Variants in CHRNA7 observed in about 807,000 individuals in gnomAD.
The protein encoded by CHRNA7 is cholinergic receptor nicotinic alpha 7 subunit.
A neutral mutation model predicts 48.0 loss-of-function variants in CHRNA7; 17 were observed. That is an observed-to-expected ratio of 0.35 (90% confidence interval 0.24 to 0.53). The LOEUF (loss-of-function observed/expected upper bound fraction) is 0.53. Ranked by LOEUF, CHRNA7 falls within the 20% of genes least tolerant of loss-of-function variation. The probability of loss-of-function intolerance (pLI) is 0.92; values close to 1 mark genes in which losing one functional copy is unlikely to be tolerated. For synonymous variants in CHRNA7, 75 were observed against 242.3 expected (o/e 0.31, Z 6.41); for missense variants, 155 against 577.7 (o/e 0.27, Z 7.50).
At chr15:32,042,440 T>C (rs2049465730) in intron 2 of CHRNA7, among the ~76,000 whole-genome samples, 1 of 152,178 alleles carries the variant, frequency 6.6e-6, no homozygotes, top group Admixed American at 6.5e-5. Flanking sequence ...TTCACTTCCC[T>C]CTGGTGGAAG....
intron 2 of CHRNA7, among the ~76,000 whole-genome samples, chr15:32,061,411 C>T (rs1191343072): frequency 2.6e-5 from 4 of 152,138 alleles, no homozygotes; most frequent in Admixed American, 2.6e-4. Context: ...CAGAATTAAC[C>T]TTTTGCACTC....
chr15:32,107,120 GT>G (rs1190035134), intron 3 of CHRNA7, among the ~76,000 whole-genome samples: 1 of 152,172 alleles, frequency 6.6e-6, no homozygotes, highest in Non-Finnish European at 1.5e-5. Context: ...AAAGATAAGT[GT>G]TTTCTGACAT....
intron 2 of CHRNA7, among the ~76,000 whole-genome samples, chr15:32,090,687 A>G (rs796988138): frequency 4.6e-5 from 7 of 151,762 alleles, no homozygotes; most frequent in African/African-American, 1.7e-4. Flanking sequence ...TATGAGAGTG[A>G]TTAATTCTAA....
intron 4 of CHRNA7, among the ~76,000 whole-genome samples, chr15:32,152,488 CA>C (rs1331127172): frequency 6.6e-6 from 1 of 152,142 alleles, no homozygotes; most frequent in East Asian, 1.9e-4. Context: ...AGGGAGGCAC[CA>C]GGGCCACGCG....
intron 2 of CHRNA7, among the ~76,000 whole-genome samples, chr15:32,060,305 C>T (rs2049858065): frequency 6.6e-6 from 1 of 152,150 alleles, no homozygotes; most frequent in African/African-American, 2.4e-5. Context: ...ATATCTATAT[C>T]ATCTATTTAT....
chr15:32,159,397 G>C (rs1172144011), intron 7 of CHRNA7, 172 bp from the exon 8 acceptor site: 2 of 462,362 alleles, frequency 4.3e-6, no homozygotes, highest in Non-Finnish European at 8.2e-6. Context: ...AAGTGGCATG[G>C]AATGTCCCCT....
At chr15:32,154,857 CT>C (rs2051704632) in intron 5 of CHRNA7, among the ~76,000 whole-genome samples, 1 of 67,388 alleles carries the variant, frequency 1.5e-5, no homozygotes, top group Non-Finnish European at 2.7e-5. Flanking sequence ...CCACTCACCC[CT>C]CACACACACC....
In CHRNA7 at chr15:32,149,330, A is replaced by AT. The variant is rs1031009286; in HGVS notation, c.351-4577_351-4576insT. Among the ~76,000 whole-genome samples, 2 of 152,066 alleles carry AT rather than the reference A, an allele frequency of 1.3e-5. No homozygotes were observed. The highest frequency in any genetic ancestry group is 2.9e-5 in the Non-Finnish European group (2 of 68,000). ...AGCACAGGGCTGCCCAGCACTGGTG[A>AT]GGGGGTCACTGTTGGCTGGCATCTG... On this transcript the variant is annotated intron_variant, in intron 4 of 9. Transcript: ENST00000306901. This position sits in a 1 kb window ranked among gnomAD's most constrained non-coding sequence, Gnocchi z 4.6.
At chr15:32,158,675 T>C (rs2051821064) in intron 7 of CHRNA7, 69 bp downstream of exon 7, 1 of 1,150,672 alleles carries the variant, frequency 8.7e-7, no homozygotes, top group Non-Finnish European at 1.2e-6. Context: ...TCTGGAGGGC[T>C]CACAGCAGAC....
intron 4 of CHRNA7, among the ~76,000 whole-genome samples, chr15:32,142,403 C>T (rs1028279487): frequency 6.6e-6 from 1 of 152,064 alleles, no homozygotes; most frequent in Admixed American, 6.6e-5. Context: ...TGTCTCTGCC[C>T]AGCTTTGGTA....
intron 2 of CHRNA7, among the ~76,000 whole-genome samples, chr15:32,048,501 G>T (rs2049598485): frequency 6.6e-6 from 1 of 152,102 alleles, no homozygotes; most frequent in Non-Finnish European, 1.5e-5. Context: ...TATTTCTGTG[G>T]GATTGGTGGT....
intron 2 of CHRNA7, among the ~76,000 whole-genome samples, chr15:32,078,008 T>G (rs1298535742): frequency 1.3e-5 from 2 of 152,252 alleles, no homozygotes; most frequent in South Asian, 4.1e-4. Flanking sequence ...ATTTTCCATA[T>G]GAGATTTGGA....
intron 3 of CHRNA7, among the ~76,000 whole-genome samples, chr15:32,106,192 G>C (rs550359743): frequency 3.9e-5 from 6 of 152,216 alleles, no homozygotes; most frequent in Non-Finnish European, 5.9e-5. Flanking sequence ...GGGTTCTGAG[G>C]GGGGTGCAAA....
chr15:32,101,505 C>T, intron 3 of CHRNA7, 158 bp downstream of exon 3: 1 of 712,256 alleles, frequency 1.4e-6, no homozygotes, highest in Admixed American at 2.6e-5. Context: ...TCCACACCTG[C>T]CAACAATGAA....
intron 2 of CHRNA7, among the ~76,000 whole-genome samples, chr15:32,076,011 C>T (rs2050131364): frequency 6.6e-6 from 1 of 151,948 alleles, no homozygotes; most frequent in Admixed American, 6.6e-5. Context: ...TATTATTCTT[C>T]CATTGTTAAT....
chr15:32,112,189 C>G (rs2050773151), intron 4 of CHRNA7: 3 of 561,760 alleles, frequency 5.3e-6, no homozygotes. Flanking sequence ...CATATTGGCA[C>G]ATGGAGTATT....
chr15:32,087,219 G>A (rs2050312166), intron 2 of CHRNA7, among the ~76,000 whole-genome samples: 2 of 152,156 alleles, frequency 1.3e-5, no homozygotes. Flanking sequence ...GTGTAATCCA[G>A]TATTACCTTA....
At chr15:32,128,335 G>A (rs1219855227) in intron 4 of CHRNA7, among the ~76,000 whole-genome samples, 1 of 151,920 alleles carries the variant, frequency 6.6e-6, no homozygotes, top group East Asian at 1.9e-4. Context: ...CAAAACTCTT[G>A]CTGGGTTTTT....
chr15:32,111,705 G>T, intron 3 of CHRNA7, 85 bp from the exon 4 acceptor site: 1 of 728,398 alleles, frequency 1.4e-6, no homozygotes, highest in Non-Finnish European at 2.4e-6. Flanking sequence ...AATTCTCTTT[G>T]GTTTTGCACT....
Sources: gnomAD v4.1 joint callset for allele counts (sites outside exome capture counted in the v4.1 genomes callset) on GRCh38, gnomAD v4.1.1 for gene constraint, Gnocchi (gnomAD v3.1) non-coding constraint, MANE v1.5 for transcripts, NCBI Gene and HGNC (gene_info 2026-07-23, HGNC 2026-07-21) for gene names.